ARID3B: variants seen among roughly 807,000 people sequenced by gnomAD.
The protein encoded by ARID3B is AT-rich interaction domain 3B.
A neutral mutation model predicts 51.9 loss-of-function variants in ARID3B; 10 were observed. The ratio of observed to expected loss-of-function variants is 0.19; its 90% CI spans 0.12 to 0.33. The LOEUF is 0.33. Among genes scored for constraint, ARID3B ranks in the 10% least tolerant of loss-of-function variants. The probability of loss-of-function intolerance (pLI) is 1.00; values close to 1 mark genes in which losing one functional copy is unlikely to be tolerated. For synonymous variants in ARID3B, 205 were observed against 279.5 expected (o/e 0.73, Z 2.66); for missense variants, 483 against 716.3 (o/e 0.67, Z 3.72).
intron 4 of ARID3B, 39 bp downstream of exon 4, chr15:74,573,243 A>G: frequency 6.3e-7 from 1 of 1,588,158 alleles, no homozygotes; most frequent in Middle Eastern, 1.7e-4. Context: ...TTCAGGGAAT[A>G]CTGATAGAGT....
At chr15:74,557,137 A>G (rs2061661464) in intron 2 of ARID3B, among the ~76,000 whole-genome samples, 1 of 152,144 alleles carries the variant, frequency 6.6e-6, no homozygotes, top group East Asian at 1.9e-4. Flanking sequence ...AGTCTTGGCC[A>G]GGCATGATGG....
chr15:74,562,916 T>G lies in ARID3B; in HGVS notation c.553-9946T>G, dbSNP rs556070741. ...ATGTTTAGCTCTTGGGCCTTAAAAT[T>G]TACCTGCTATCTTTAGGAAATGACT... is the stretch of plus-strand genomic sequence containing the variant. On this transcript the variant is annotated intron_variant, in intron 2 of 8. Coordinates refer to ENST00000346246, the MANE Select transcript of ARID3B (RefSeq NM_006465.4). Among the ~76,000 whole-genome samples the G allele has an allele frequency of 1.4e-3, 215 of 152,334 alleles. 2 individuals are homozygous for G. Among genetic ancestry groups the G allele is most frequent in the African/African-American group, 4.6e-3 (191 of 41,574 alleles).
At chr15:74,580,886 T>C (rs775117089) in intron 4 of ARID3B, among the ~76,000 whole-genome samples, 32 of 152,234 alleles carry the variant, frequency 2.1e-4, no homozygotes, top group Non-Finnish European at 2.9e-5. Flanking sequence ...ATCTAGCTGA[T>C]GAACACAGGG....
Position 74,568,612 on chromosome 15 carries a change from C to G in ARID3B, c.553-4250C>G, listed in dbSNP as rs118000141. On this transcript the variant is annotated intron_variant, in intron 2 of 8. Transcript: ENST00000346246. ...AAACACTAGCTTCCTGCTACCTTTT[C>G]TCTTTCCCCCAACCTTCTTTTCCTG... Among the ~76,000 whole-genome samples the G allele has an allele frequency of 1.4e-3, 206 of 152,310 alleles. 3 individuals are homozygous for G. The East Asian group carries it at 0.033, about 25-fold the overall frequency.
At chr15:74,568,617 T>C (rs2141462439) in intron 2 of ARID3B, among the ~76,000 whole-genome samples, 1 of 152,298 alleles carries the variant, frequency 6.6e-6, no homozygotes, top group South Asian at 2.1e-4. Context: ...CTTTTCTCTT[T>C]CCCCCAACCT....
In ARID3B at chr15:74,597,532, C is replaced by A; in HGVS notation, c.*1758C>A. The A allele has an allele frequency of 1.9e-6, 1 of 535,924 alleles. No individual in the cohort carries two copies. The highest frequency in any genetic ancestry group is 3.6e-6 in the Non-Finnish European group (1 of 276,802). The allele number at this position is 535,924 out of a possible 1,614,324, so 33.2% of individuals were successfully genotyped here. A position where few individuals can be genotyped will look rare whatever the true frequency, so the allele number is the denominator to read the frequency against. ...ACACATACACACACACACACACATA[C>A]CCCATCTCCCGAGGGCTGACCTCCT... On this transcript the variant is annotated 3_prime_UTR_variant, in exon 9 of 9. Transcript: ENST00000346246.
intron 4 of ARID3B, among the ~76,000 whole-genome samples, chr15:74,582,821 G>A (rs1236863551): frequency 6.6e-6 from 1 of 152,124 alleles, no homozygotes; most frequent in Non-Finnish European, 1.5e-5. Context: ...AAACTGGAAA[G>A]AATTCCAATG....
intron 4 of ARID3B, among the ~76,000 whole-genome samples, chr15:74,583,031 CAAAAAAA>C (rs563528666): frequency 1.2e-4 from 12 of 102,810 alleles, no homozygotes; most frequent in African/African-American, 3.3e-4. Flanking sequence ...CCATCTCTAC[CAAAAAAA>C]AAAAAAAAAA....
chr15:74,544,232 A>G lies in ARID3B; in HGVS notation c.296A>G (p.Glu99Gly). Residue 99 changes from glutamate (E) to glycine (G), a missense_variant, in exon 2 of 9, where the codon GAA becomes GGA. Physicochemically the swap from Glu to Gly is moderately conservative, Grantham distance 98. This residue lies in a region of ARID3B where 182 missense variants were observed against 244.5 expected (regional missense o/e 0.74). Coordinates refer to ENST00000346246, the MANE Select transcript of ARID3B (RefSeq NM_006465.4). ...SEPEEEDGGL[E>G]DEDGDDEVAE... ...CCTGAGGAAGAGGACGGAGGTTTGG[A>G]AGATGAGGATGGGGATGATGAAGTT... 1 of 1,614,152 alleles carries G rather than the reference A, an allele frequency of 6.2e-7. No individual in the cohort carries two copies. The highest frequency in any genetic ancestry group is 8.5e-7 in the Non-Finnish European group (1 of 1,179,976).
chr15:74,598,008 G>T lies in ARID3B; in HGVS notation c.*2234G>T. ...GGAAAAATGTGATAGCACATGGGTAGCCTAGGCAGTGAGTAAATACCTCAG... is the reference window on the plus strand; with the variant it reads ...GGAAAAATGTGATAGCACATGGGTATCCTAGGCAGTGAGTAAATACCTCAG... On this transcript the variant is annotated 3_prime_UTR_variant, in exon 9 of 9. Transcript: ENST00000346246. 1.9e-6 allele frequency: 1 copy of T among 531,602 alleles called. No homozygotes were observed. The highest frequency in any genetic ancestry group is 1.5e-5 in the South Asian group (1 of 65,236). 32.9% of individuals were successfully genotyped at this position (531,602 alleles called of 1,614,324 possible).
At position 74,591,369 on chromosome 15, in the gene ARID3B, T is replaced by A; in HGVS notation, c.1100T>A (p.Leu367His). 1 of 1,614,134 alleles carries A rather than the reference T, an allele frequency of 6.2e-7. No homozygotes were observed. Residue 367 changes from leucine to histidine, a missense_variant, in exon 6 of 9, where the codon CTT becomes CAT. This residue lies in a region of ARID3B where 265 missense variants were observed against 354.4 expected (regional missense o/e 0.75). Coordinates refer to ENST00000346246, the MANE Select transcript of ARID3B (RefSeq NM_006465.4). This position sits in a 1 kb window ranked among gnomAD's most constrained non-coding sequence, Gnocchi z 5.8. ...PPKIRFPILG[L>H]GSSSGTNTSS... ...AAGATCCGCTTTCCCATCCTTGGGC[T>A]TGGCTCCAGCAGTGGTACCAATACC...
At chr15:74,593,362 TCA>T (rs949211515) in intron 8 of ARID3B, 126 bp downstream of exon 8, 3 of 839,442 alleles carry the variant, frequency 3.6e-6, no homozygotes, top group Non-Finnish European at 5.6e-6. Context: ...TTTCCTGGTC[TCA>T]GAGTTGCAAA....
chr15:74,570,887 T>C (rs1159998277), intron 2 of ARID3B, among the ~76,000 whole-genome samples: 8 of 152,264 alleles, frequency 5.3e-5, no homozygotes, highest in Admixed American at 5.2e-4. Flanking sequence ...AACTTTTTTT[T>C]CTTTTTAAAC....
intron 8 of ARID3B, among the ~76,000 whole-genome samples, chr15:74,594,410 T>A (rs1346913391): frequency 6.6e-6 from 1 of 151,950 alleles, no homozygotes; most frequent in Non-Finnish European, 1.5e-5. Flanking sequence ...ATCGCGCCAC[T>A]GCACTCCAGC....
intron 2 of ARID3B, among the ~76,000 whole-genome samples, chr15:74,566,527 A>T (rs2061699193): frequency 6.6e-6 from 1 of 151,478 alleles, no homozygotes; most frequent in Admixed American, 6.6e-5. Flanking sequence ...CACTTAAACC[A>T]GGGAGGCGGA....
intron 2 of ARID3B, among the ~76,000 whole-genome samples, chr15:74,547,870 TC>T (rs1300668345): frequency 2.6e-5 from 4 of 152,256 alleles, no homozygotes; most frequent in Non-Finnish European, 5.9e-5. Flanking sequence ...AGGACAGGCA[TC>T]TGCTAACTGA....
chr15:74,571,561 G>A (rs374244822), intron 2 of ARID3B, among the ~76,000 whole-genome samples: 114 of 152,286 alleles, frequency 7.5e-4, no homozygotes, highest in African/African-American at 2.6e-3. Context: ...AAGACTTTTT[G>A]ACCCCCCTGT....
At chr15:74,587,223 G>A (rs545427805) in intron 4 of ARID3B, among the ~76,000 whole-genome samples, 31 of 152,324 alleles carry the variant, frequency 2.0e-4, no homozygotes, top group Admixed American at 1.0e-3. Flanking sequence ...CAAGTTGATC[G>A]TATGGCTAAG....
At chr15:74,584,426 T>G (rs2061772784) in intron 4 of ARID3B, among the ~76,000 whole-genome samples, 1 of 152,214 alleles carries the variant, frequency 6.6e-6, no homozygotes, top group African/African-American at 2.4e-5. Flanking sequence ...TGGAAATGAT[T>G]AATGATCTTT....
Sources: gnomAD v4.1 joint callset for allele counts (sites outside exome capture counted in the v4.1 genomes callset) on GRCh38, gnomAD v4.1.1 for gene constraint, gnomAD v4.1.1 regional missense constraint, Gnocchi (gnomAD v3.1) non-coding constraint, MANE v1.5 for transcripts, NCBI Gene and HGNC (gene_info 2026-07-23, HGNC 2026-07-21) for gene names.